TAFA4: variants seen among roughly 807,000 people sequenced by gnomAD.
TAFA4 encodes the protein chemokine-like protein TAFA-4.
TAFA4 carries 20 observed loss-of-function variants against 21.1 expected under a neutral mutation model. That is an observed-to-expected ratio of 0.95 (90% confidence interval 0.67 to 1.38). TAFA4 has a LOEUF of 1.38. Among genes scored for constraint, TAFA4 ranks in the 40% most tolerant of loss-of-function variants. The pLI is 0.00. For synonymous variants in TAFA4, 71 were observed against 67.4 expected (o/e 1.05, Z -0.26); for missense variants, 211 against 180.9 (o/e 1.17, Z -0.95).
At chr3:68,864,508 G>A (rs1287684706) in intron 3 of TAFA4, among the ~76,000 whole-genome samples, 8 of 152,142 alleles carry the variant, frequency 5.3e-5, no homozygotes, top group South Asian at 2.1e-4. Flanking sequence ...AGCACGCATC[G>A]GTACATCACT....
At chr3:68,823,706 G>T (rs899931540) in intron 3 of TAFA4, among the ~76,000 whole-genome samples, 1 of 152,082 alleles carries the variant, frequency 6.6e-6, no homozygotes, top group Non-Finnish European at 1.5e-5. Context: ...TGCAGTGTTT[G>T]GTTTTCTGTT....
Position 68,786,529 on chromosome 3 carries a change from A to T in TAFA4, c.131-33511T>A, listed in dbSNP as rs1703265574. 2.0e-5 allele frequency among the ~76,000 whole-genome samples: 3 copies of T among 152,248 alleles called. No homozygotes were observed. The South Asian group carries it at 6.2e-4, about 31-fold the overall frequency. On this transcript the variant is annotated intron_variant, in intron 3 of 5. Transcript: ENST00000295569. The stretch of plus-strand genomic sequence containing the variant: ...AGAGTTAGCTATGGTTACCTCTAAT[A>T]GCTAAATGTTTATATACACTTTCTA...
At chr3:68,754,810 G>A (rs1027690030) in intron 3 of TAFA4, among the ~76,000 whole-genome samples, 1 of 151,982 alleles carries the variant, frequency 6.6e-6, no homozygotes, top group Admixed American at 6.6e-5. Flanking sequence ...TGTTCAAATC[G>A]TCCCATATCT....
At chr3:68,819,684 T>C (rs1559532205) in intron 3 of TAFA4, among the ~76,000 whole-genome samples, 1 of 152,138 alleles carries the variant, frequency 6.6e-6, no homozygotes, top group Non-Finnish European at 1.5e-5. Context: ...GGCTGACAAG[T>C]CATTCTCACC....
chr3:68,755,037 A>G (rs1403886270), intron 3 of TAFA4, among the ~76,000 whole-genome samples: 1 of 152,206 alleles, frequency 6.6e-6, no homozygotes, highest in African/African-American at 2.4e-5. Context: ...AGGTTTACTC[A>G]TCACAACTAG....
At chr3:68,814,677 T>C (rs923477991) in intron 3 of TAFA4, among the ~76,000 whole-genome samples, 1 of 152,190 alleles carries the variant, frequency 6.6e-6, no homozygotes, top group Admixed American at 6.5e-5. Context: ...TACAAACACA[T>C]GGAAGAACAT....
intron 4 of TAFA4, among the ~76,000 whole-genome samples, chr3:68,751,544 A>AT (rs1702556744): frequency 6.6e-6 from 1 of 152,156 alleles, no homozygotes; most frequent in Non-Finnish European, 1.5e-5. Context: ...GACTCAGCAT[A>AT]TTTCTTTTAA....
At chr3:68,853,487 T>C (rs1279150287) in intron 3 of TAFA4, among the ~76,000 whole-genome samples, 11 of 152,110 alleles carry the variant, frequency 7.2e-5, no homozygotes, top group East Asian at 1.9e-4. Context: ...GCAAGTCCCA[T>C]GTCTCTTTTG....
chr3:68,873,477 A>C (rs1035057523), intron 3 of TAFA4, among the ~76,000 whole-genome samples: 4 of 152,100 alleles, frequency 2.6e-5, no homozygotes, highest in Non-Finnish European at 5.9e-5. Context: ...TCATATTAAT[A>C]GCTGCTCTCT....
At chr3:68,744,610 T>C (rs1466263192) in intron 4 of TAFA4, among the ~76,000 whole-genome samples, 1 of 152,100 alleles carries the variant, frequency 6.6e-6, no homozygotes, top group Non-Finnish European at 1.5e-5. Context: ...ACTGAACCCA[T>C]GGGGACACAA....
chr3:68,803,197 C>A (rs1252831872), intron 3 of TAFA4, among the ~76,000 whole-genome samples: 1 of 152,138 alleles, frequency 6.6e-6, no homozygotes, highest in African/African-American at 2.4e-5. Flanking sequence ...AGCCATCTAT[C>A]TATTTGTTAA....
chr3:68,911,896 C>G (rs1473749956), intron 1 of TAFA4, among the ~76,000 whole-genome samples: 2 of 152,198 alleles, frequency 1.3e-5, no homozygotes, highest in African/African-American at 4.8e-5. Flanking sequence ...GTGCCCAGAT[C>G]ATCAGCCCAA....
chr3:68,737,143 A>T (rs934612949), intron 5 of TAFA4, among the ~76,000 whole-genome samples: 1 of 152,160 alleles, frequency 6.6e-6, no homozygotes, highest in African/African-American at 2.4e-5. Context: ...AATCAATACA[A>T]ATATAATCTT....
chr3:68,783,667 C>CAG (rs201740147), intron 3 of TAFA4, among the ~76,000 whole-genome samples: 4,993 of 92,480 alleles, frequency 0.054, 209 homozygotes, highest in Non-Finnish European at 0.077. Context: ...CACAGACACA[C>CAG]ACACACAGAG....
At chr3:68,775,916 C>T (rs1559517248) in intron 3 of TAFA4, among the ~76,000 whole-genome samples, 1 of 151,850 alleles carries the variant, frequency 6.6e-6, no homozygotes, top group Non-Finnish European at 1.5e-5. Flanking sequence ...GAGATTCACA[C>T]AAGAAAGCAA....
At chr3:68,788,784 T>C (rs1353443344) in intron 3 of TAFA4, among the ~76,000 whole-genome samples, 1 of 127,346 alleles carries the variant, frequency 7.9e-6, no homozygotes, top group Non-Finnish European at 1.7e-5. Flanking sequence ...GCTAAATTTT[T>C]ATTTTATTTT....
At chr3:68,837,183 A>T (rs1704544352) in intron 3 of TAFA4, among the ~76,000 whole-genome samples, 2 of 152,238 alleles carry the variant, frequency 1.3e-5, no homozygotes, top group Admixed American at 1.3e-4. Flanking sequence ...TTGAAGAAAT[A>T]AAATTTACCA....
At chr3:68,876,121 T>C (rs2089547243) in intron 3 of TAFA4, among the ~76,000 whole-genome samples, 2 of 152,204 alleles carry the variant, frequency 1.3e-5, no homozygotes, top group African/African-American at 2.4e-5. Flanking sequence ...TAACCACATG[T>C]GACTATTGAG....
rs186490576 is a variant in TAFA4, at chr3:68,790,034, A to G, written c.131-37016T>C. ...GTTAATATCTGGGTAAATATAGTCT[A>G]TTTTTCGCCTCAAGTTCTTAAAAAT... is the stretch of plus-strand genomic sequence containing the variant. On this transcript the variant is annotated intron_variant, in intron 3 of 5. Coordinates refer to ENST00000295569, the MANE Select transcript of TAFA4 (RefSeq NM_182522.5). Among the ~76,000 whole-genome samples the G allele has an allele frequency of 4.6e-5, 7 of 152,332 alleles. No homozygotes were observed. The East Asian group carries it at 1.2e-3, about 25-fold the overall frequency.
Sources: allele counts gnomAD v4.1 joint callset (sites outside exome capture counted in the v4.1 genomes callset), GRCh38; gene constraint gnomAD v4.1.1; transcripts MANE v1.5; gene names NCBI Gene and HGNC (gene_info 2026-07-23, HGNC 2026-07-21).